The following RBFOX1 variants were observed in gnomAD, a reference collection of about 807,000 sequenced individuals.
The protein encoded by RBFOX1 is RNA binding protein fox-1 homolog 1.
A neutral mutation model predicts 57.7 loss-of-function variants in RBFOX1; 8 were observed. The ratio of observed to expected loss-of-function variants is 0.14; its 90% CI spans 0.08 to 0.25. The LOEUF (loss-of-function observed/expected upper bound fraction) is 0.25. Among genes scored for constraint, RBFOX1 ranks in the 10% least tolerant of loss-of-function variants. The probability of loss-of-function intolerance (pLI) is 1.00; values close to 1 mark genes in which losing one functional copy is unlikely to be tolerated. For missense variants in RBFOX1, 611 were observed against 548.5 expected (o/e 1.11, Z -1.14); for synonymous variants, 326 against 222.4 (o/e 1.47, Z -4.15).
intron 2 of RBFOX1, among the ~76,000 whole-genome samples, chr16:6,614,721 C>T (rs118064600): frequency 6.6e-6 from 1 of 152,136 alleles, no homozygotes; most frequent in African/African-American, 2.4e-5. Context: ...TCACTCCAGT[C>T]TCTGGCTTTA....
At chr16:6,550,217 G>T (rs1035924963) in intron 2 of RBFOX1, among the ~76,000 whole-genome samples, 3 of 151,866 alleles carry the variant, frequency 2.0e-5, no homozygotes, top group Non-Finnish European at 4.4e-5. Context: ...TTACTCTGTC[G>T]CCCAGACTGG....
At chr16:6,384,169 A>C (rs188588106) in intron 2 of RBFOX1, among the ~76,000 whole-genome samples, 1 of 151,728 alleles carries the variant, frequency 6.6e-6, no homozygotes, top group East Asian at 1.9e-4. Flanking sequence ...TAAGTATTCA[A>C]GGTTAACCAT....
intron 4 of RBFOX1, among the ~76,000 whole-genome samples, chr16:7,200,030 A>C (rs982887692): frequency 6.6e-6 from 1 of 152,238 alleles, no homozygotes; most frequent in Non-Finnish European, 1.5e-5. Context: ...TCATAGAGCC[A>C]GATTTCTGGG....
chr16:7,183,862 G>T (rs745617561), intron 4 of RBFOX1, among the ~76,000 whole-genome samples: 1 of 152,166 alleles, frequency 6.6e-6, no homozygotes, highest in African/African-American at 2.4e-5. Flanking sequence ...TCAGGTCTCT[G>T]CCCTCATGGA....
rs186060587 is a variant in RBFOX1 at position 7,243,208 on chromosome 16, G to A, written c.27+191110G>A. 3.2e-4 allele frequency among the ~76,000 whole-genome samples: 49 copies of A among 152,192 alleles called. 1 individual carries two copies. In the South Asian group the frequency reaches 6.4e-3, roughly 20 times the overall value. ...CAAACACATATTGATCTCTTGCTAC[G>A]TGCCAACAACTACTCCAAGCACTTG... is the stretch of plus-strand genomic sequence containing the variant. On this transcript the variant is annotated intron_variant, in intron 4 of 15. Transcript: ENST00000550418.
At chr16:7,163,467 C>T (rs1222382211) in intron 4 of RBFOX1, among the ~76,000 whole-genome samples, 11 of 152,080 alleles carry the variant, frequency 7.2e-5, no homozygotes, top group African/African-American at 2.7e-4. Flanking sequence ...TGACATCCTT[C>T]ACCCTCTGAT....
At chr16:6,746,981 A>G (rs1216649856) in intron 3 of RBFOX1, among the ~76,000 whole-genome samples, 1 of 152,124 alleles carries the variant, frequency 6.6e-6, no homozygotes, top group Non-Finnish European at 1.5e-5. Flanking sequence ...CTGTGGAGCT[A>G]TACTACTGTG....
intron 3 of RBFOX1, among the ~76,000 whole-genome samples, chr16:6,857,386 C>G (rs1364340886): frequency 1.3e-5 from 2 of 152,036 alleles, no homozygotes; most frequent in Non-Finnish European, 2.9e-5. Context: ...TCAGAGGTCT[C>G]CATCCTACGA....
At chr16:5,989,843 AACAC>A (rs199624083) in intron 4 of RBFOX1, among the ~76,000 whole-genome samples, 52 of 20,714 alleles carry the variant, frequency 2.5e-3, no homozygotes, top group Admixed American at 9.1e-3. Flanking sequence ...AACACCCCCT[AACAC>A]ACACACACAC....
At chr16:5,945,960 C>T (rs2059392222) in intron 4 of RBFOX1, among the ~76,000 whole-genome samples, 1 of 152,206 alleles carries the variant, frequency 6.6e-6, no homozygotes, top group Admixed American at 6.5e-5. Context: ...TCCTTTCAAG[C>T]CGCTCTGAGT....
intron 3 of RBFOX1, among the ~76,000 whole-genome samples, chr16:6,786,624 T>G (rs1388964709): frequency 6.6e-6 from 1 of 152,086 alleles, no homozygotes; most frequent in African/African-American, 2.4e-5. Flanking sequence ...ATGAAGGGGA[T>G]GAGGAGAATG....
In RBFOX1 at chr16:5,734,899, GT is replaced by G. The variant is rs1327287108; in HGVS notation, c.319-132403del. ...GAGACACCTTGGGGAGTAAGTGACT[GT>G]GATGATTTTAAACACTTTCTAGCAC... is the stretch of plus-strand genomic sequence containing the variant. On this transcript the variant is annotated intron_variant, in intron 3 of 19. Transcript: ENST00000641259. Among the ~76,000 whole-genome samples the G allele has an allele frequency of 2.0e-5, 3 of 152,320 alleles. No homozygotes were observed. In the East Asian group the frequency reaches 5.8e-4, roughly 29 times the overall value.
At chr16:7,691,744 C>T (rs1188096712) in intron 14 of RBFOX1, among the ~76,000 whole-genome samples, 1 of 152,058 alleles carries the variant, frequency 6.6e-6, no homozygotes, top group Non-Finnish European at 1.5e-5. Flanking sequence ...GGGAAAATTG[C>T]AGAAAGGGAA....
chr16:7,197,354 G>C (rs1032667515), intron 4 of RBFOX1, among the ~76,000 whole-genome samples: 2 of 150,664 alleles, frequency 1.3e-5, no homozygotes, highest in Non-Finnish European at 2.9e-5. Context: ...GAATCCCAGA[G>C]CTTCTTTCTG....
chr16:7,308,069 A>G (rs1603617545), intron 4 of RBFOX1, among the ~76,000 whole-genome samples: 1 of 152,354 alleles, frequency 6.6e-6, no homozygotes, highest in East Asian at 1.9e-4. Context: ...CTAGGTCAAA[A>G]GAGAACCTAT....
chr16:7,049,799 C>T lies in RBFOX1; in HGVS notation c.-15-2258C>T, dbSNP rs555384977. Among the ~76,000 whole-genome samples the T allele has an allele frequency of 6.6e-5, 10 of 152,274 alleles. No individual in the cohort carries two copies. The East Asian group carries it at 1.2e-3, about 18-fold the overall frequency. On this transcript the variant is annotated intron_variant, in intron 3 of 15. Transcript: ENST00000550418. ...TGGGGGAAACAGGATGAAGTGTTTT[C>T]GCTCCATCTTGTCAAGAACCGAAAC... is the stretch of plus-strand genomic sequence containing the variant.
chr16:5,321,199 C>G (rs959259855), intron 1 of RBFOX1, among the ~76,000 whole-genome samples: 1 of 152,300 alleles, frequency 6.6e-6, no homozygotes, highest in East Asian at 1.9e-4. Context: ...CCACTAGATG[C>G]CAGTAATACC....
chr16:7,206,762 C>T (rs922880143), intron 4 of RBFOX1, among the ~76,000 whole-genome samples: 1 of 152,110 alleles, frequency 6.6e-6, no homozygotes, highest in Non-Finnish European at 1.5e-5. Context: ...AGCTGAATTC[C>T]CAGTCCTGGC....
intron 4 of RBFOX1, among the ~76,000 whole-genome samples, chr16:5,896,905 C>T (rs1447188587): frequency 6.6e-6 from 1 of 151,952 alleles, no homozygotes; most frequent in African/African-American, 2.4e-5. Flanking sequence ...TGAGCAGCTG[C>T]CAAAATCTCT....
Sources: allele counts gnomAD v4.1 joint callset (sites outside exome capture counted in the v4.1 genomes callset), GRCh38; gene constraint gnomAD v4.1.1; transcripts MANE v1.5; gene names NCBI Gene and HGNC (gene_info 2026-07-23, HGNC 2026-07-21).